The following SLK variants were observed in gnomAD, a reference collection of about 807,000 sequenced individuals.
SLK encodes the protein STE20-like serine/threonine-protein kinase.
SLK carries 67 observed loss-of-function variants against 147.7 expected under a neutral mutation model. That is an observed-to-expected ratio of 0.45 (90% CI 0.37 to 0.56). The LOEUF (loss-of-function observed/expected upper bound fraction) is 0.56, where lower values mean the gene tolerates loss of function less well. Among genes scored for constraint, SLK ranks in the 20% least tolerant of loss-of-function variants. The pLI, the probability that SLK is intolerant of heterozygous loss-of-function variation, is 0.00. For missense variants in SLK, 1,136 were observed against 1,438.8 expected, an observed-to-expected ratio of 0.79 and a Z score of 3.41; for synonymous variants, 441 against 475.0, an observed-to-expected ratio of 0.93 and a Z score of 0.93.
intron 17 of SLK, 57 bp from the exon 18 acceptor site, chr10:104,021,563 T>C (rs539370051): frequency 8.2e-6 from 7 of 850,278 alleles, no homozygotes; most frequent in South Asian, 2.9e-5. Context: ...ATAATTGTAT[T>C]TGTGAAAAAT....
rs1589528727 is a variant in SLK, at chr10:103,984,272, T to C, written c.151-6403T>C. Reference sequence around the variant, plus strand: ...CTTTGCAAAATACTAATATTTCCAATTTATATAGGTAAAAACATTAAAATA... The same window carrying C: ...CTTTGCAAAATACTAATATTTCCAACTTATATAGGTAAAAACATTAAAATA... On this transcript the variant is annotated intron_variant, in intron 1 of 18. Coordinates refer to ENST00000369755, the MANE Select transcript of SLK (RefSeq NM_014720.4). Among the ~76,000 whole-genome samples the C allele has an allele frequency of 2.0e-5, 3 of 152,320 alleles. No homozygotes were observed. In the East Asian group the frequency reaches 5.8e-4, roughly 29 times the overall value.
Position 104,002,419 on chromosome 10 carries a change from A to T in SLK, c.1241A>T (p.Asp414Val), listed in dbSNP as rs763590065. ...TTAGAAGCAATGACTGAACTCCATG[A>T]CAGAACAGCAGTAATCAAGGAGAAT... is the stretch of plus-strand genomic sequence containing the variant. The part of the protein sequence containing the change: ...AQLEAMTELH[D>V]RTAVIKENER... Residue 414 changes from aspartate to valine, a missense_variant, in exon 9 of 19, where the codon GAC (aspartate) becomes GTC (valine). Around this residue, in one of 6 missense-constraint regions of SLK, gnomAD observed 516 missense variants for 531.3 expected, o/e 0.97. Coordinates refer to ENST00000369755, the MANE Select transcript of SLK (RefSeq NM_014720.4). 1.2e-5 allele frequency: 19 copies of T among 1,614,044 alleles called. No homozygotes were observed. The highest frequency in any genetic ancestry group is 1.7e-5 in the Admixed American group (1 of 60,014).
At chr10:104,008,765 T>A (rs886804858) in intron 12 of SLK, among the ~76,000 whole-genome samples, 11 of 152,242 alleles carry the variant, frequency 7.2e-5, no homozygotes, top group African/African-American at 2.7e-4. Context: ...ATGTTGTGTT[T>A]GCCAGTGGCA....
intron 9 of SLK, among the ~76,000 whole-genome samples, chr10:104,004,473 G>A (rs868056286): frequency 6.6e-6 from 1 of 152,186 alleles, no homozygotes; most frequent in South Asian, 2.1e-4. Flanking sequence ...GTGAAGTTTG[G>A]AGGTTAAGGT....
chr10:103,979,078 C>T (rs1843907944), intron 1 of SLK, among the ~76,000 whole-genome samples: 2 of 152,330 alleles, frequency 1.3e-5, no homozygotes, highest in South Asian at 4.1e-4. Flanking sequence ...TGCAGTGCCG[C>T]GATCTTGGCT....
At position 103,982,315 on chromosome 10, in the gene SLK, T is replaced by C. The variant is rs564099956; in HGVS notation, c.151-8360T>C. On this transcript the variant is annotated intron_variant, in intron 1 of 18. Coordinates refer to ENST00000369755, the MANE Select transcript of SLK (RefSeq NM_014720.4). ...ATGCTGCTCAGAGTCAATAAGTCCTTGCAATAAGCAGGAAAACTGTGTGAT... is the reference window on the plus strand; with the variant it reads ...ATGCTGCTCAGAGTCAATAAGTCCTCGCAATAAGCAGGAAAACTGTGTGAT... Among the ~76,000 whole-genome samples the C allele has an allele frequency of 3.5e-4, 54 of 152,362 alleles. 2 individuals carry two copies. In the South Asian group the frequency reaches 0.011, roughly 32 times the overall value.
At chr10:103,992,571 C>CG in intron 2 of SLK, 27 bp from the exon 3 acceptor site, 1 of 1,214,950 alleles carries the variant, frequency 8.2e-7, no homozygotes. Context: ...TTTAGACACA[C>CG]GCTTTTTTTT....
At chr10:103,997,216 C>T (rs555447168) in intron 4 of SLK, among the ~76,000 whole-genome samples, 2 of 152,292 alleles carry the variant, frequency 1.3e-5, no homozygotes, top group Admixed American at 6.5e-5. Context: ...CTTACCATAA[C>T]GTTCTCAAGG....
In SLK at chr10:103,967,765, G is replaced by GT. The variant is rs1453404317; in HGVS notation, c.21dup (p.Lys8Ter). 1.2e-6 allele frequency: 2 copies of GT among 1,614,036 alleles called. No homozygotes were observed. Among genetic ancestry groups the GT allele is most frequent in the Non-Finnish European group, 1.7e-6 (2 of 1,179,928 alleles). The stretch of plus-strand genomic sequence containing the variant: ...GGAAAAATGTCCTTCTTCAATTTCC[G>GT]TAAGATCTTCAAGTTGGGGAGCGAG... On this transcript the variant is annotated frameshift_variant, in exon 1 of 19. Transcript: ENST00000369755. LOFTEE classifies it high-confidence loss of function.
chr10:103,995,414 CTTTCTTTTCT>C (rs1185884805), intron 4 of SLK, among the ~76,000 whole-genome samples: 24 of 125,358 alleles, frequency 1.9e-4, no homozygotes, highest in African/African-American at 7.2e-4. Context: ...TTTTTCTTTT[CTTTCTTTTCT>C]TTTTTTTTTT....
At chr10:103,969,200 C>T (rs1843760816) in intron 1 of SLK, among the ~76,000 whole-genome samples, 1 of 152,126 alleles carries the variant, frequency 6.6e-6, no homozygotes, top group Admixed American at 6.5e-5. Context: ...AACTCCCGAC[C>T]TCAGGTGATC....
At chr10:104,019,460 C>CA (rs1844506241) in intron 15 of SLK, among the ~76,000 whole-genome samples, 1 of 152,020 alleles carries the variant, frequency 6.6e-6, no homozygotes, top group Non-Finnish European at 1.5e-5. Context: ...TGTGTGGAGA[C>CA]AGGGTCTCAC....
At chr10:103,988,693 A>T (rs2134466514) in intron 1 of SLK, among the ~76,000 whole-genome samples, 1 of 152,296 alleles carries the variant, frequency 6.6e-6, no homozygotes, top group Non-Finnish European at 1.5e-5. Flanking sequence ...ATAATATATC[A>T]TGGGGTTGTT....
Position 104,008,163 on chromosome 10 carries a change from A to G in SLK, c.2605-14A>G, listed in dbSNP as rs1844352790. ...GATGGAAAAGTTATCATCTTGAGCT[A>G]TATTGTTTTACAGAGTAAAAAGCGA... On this transcript the variant is annotated splice_polypyrimidine_tract_variant and intron_variant, in intron 11 of 18. Coordinates refer to ENST00000369755, the MANE Select transcript of SLK (RefSeq NM_014720.4). The G allele has an allele frequency of 5.0e-6, 8 of 1,601,480 alleles. No homozygotes were observed. The highest frequency in any genetic ancestry group is 3.5e-5 in the Admixed American group (2 of 57,968).
intron 11 of SLK, among the ~76,000 whole-genome samples, chr10:104,006,885 G>A (rs1844333525): frequency 6.6e-6 from 1 of 152,020 alleles, no homozygotes; most frequent in African/African-American, 2.4e-5. Flanking sequence ...TATAAAATCT[G>A]TATTTCTCCC....
chr10:104,016,203 C>T (rs12242281), intron 13 of SLK, among the ~76,000 whole-genome samples: 17,274 of 151,664 alleles, frequency 0.11, 1,701 homozygotes, highest in African/African-American at 0.26. Context: ...CCTGTAGTCC[C>T]GGCTACTCAG....
Position 103,999,948 on chromosome 10 carries a change from G to T in SLK, c.864G>T (p.Gln288His). The T allele has an allele frequency of 7.0e-7, 1 of 1,426,880 alleles. No homozygotes were observed. Among genetic ancestry groups the T allele is most frequent in the South Asian group, 1.3e-5 (1 of 77,802 alleles). 88.4% of individuals were successfully genotyped at this position (1,426,880 alleles called of 1,614,324 possible). The change falls in exon 7 of 19, where the codon CAG becomes CAT. Residue 288 changes from glutamine to histidine, a missense_variant and splice_region_variant. Around this residue, in one of 6 missense-constraint regions of SLK, gnomAD observed 141 missense variants for 219.3 expected, o/e 0.64. Coordinates refer to ENST00000369755, the MANE Select transcript of SLK (RefSeq NM_014720.4). ...GGTGGACTACATCTCAGCTGCTGCA[G>T]GTAAGAGAGTATGACAACAGCAAAT... ...DARWTTSQLL[Q>H]HPFVTVDSNK...
chr10:104,005,080 A>C (rs1346540069), intron 9 of SLK, among the ~76,000 whole-genome samples: 2 of 152,184 alleles, frequency 1.3e-5, no homozygotes, highest in African/African-American at 2.4e-5. Flanking sequence ...TTTTTCAAAA[A>C]AAAGAGATTT....
At position 103,989,405 on chromosome 10, in the gene SLK, T is replaced by C. The variant is rs1482376701; in HGVS notation, c.151-1270T>C. ...GAGGATGTGGAGCAACAGGAACTCATTCATTGCTGGTGTGTATGCAGACTC... is the reference window on the plus strand; with the variant it reads ...GAGGATGTGGAGCAACAGGAACTCACTCATTGCTGGTGTGTATGCAGACTC... On this transcript the variant is annotated intron_variant, in intron 1 of 18. Coordinates refer to ENST00000369755, the MANE Select transcript of SLK (RefSeq NM_014720.4). 2.6e-5 allele frequency among the ~76,000 whole-genome samples: 4 copies of C among 151,698 alleles called. No individual in the cohort carries two copies. In the East Asian group the frequency reaches 7.7e-4, roughly 29 times the overall value.
Sources: allele counts gnomAD v4.1 joint callset (sites outside exome capture counted in the v4.1 genomes callset), GRCh38; gene constraint gnomAD v4.1.1; regional missense constraint gnomAD v4.1.1; transcripts MANE v1.5; gene names NCBI Gene and HGNC (gene_info 2026-07-23, HGNC 2026-07-21).